PIBF1: variants seen among roughly 807,000 people sequenced by gnomAD.
The protein encoded by PIBF1 is progesterone immunomodulatory binding factor 1.
Under a neutral mutation model 112.5 loss-of-function variants are expected in PIBF1, and 90 were observed. The observed-to-expected ratio is 0.80, with a 90% confidence interval of 0.67 to 0.95. The LOEUF (loss-of-function observed/expected upper bound fraction) is 0.95, where lower values mean the gene tolerates loss of function less well. PIBF1 is among the 40% of genes least tolerant of loss of function. PIBF1 has a pLI of 0.00. For missense variants in PIBF1, 915 were observed against 852.3 expected (o/e 1.07, Z -0.92); for synonymous variants, 301 against 288.6 (o/e 1.04, Z -0.44).
At chr13:72,816,588 G>C (rs552520332) in intron 5 of PIBF1, among the ~76,000 whole-genome samples, 8 of 151,358 alleles carry the variant, frequency 5.3e-5, no homozygotes, top group Non-Finnish European at 1.2e-4. Flanking sequence ...CTGAGGTCGG[G>C]AGGTTGAGGC....
intron 5 of PIBF1, among the ~76,000 whole-genome samples, chr13:72,817,938 G>A (rs2036362397): frequency 6.6e-6 from 1 of 151,994 alleles, no homozygotes; most frequent in South Asian, 2.1e-4. Context: ...TCGTTTAAGG[G>A]GAAATTGTCC....
At chr13:73,007,344 T>G (rs1430701887) in intron 17 of PIBF1, among the ~76,000 whole-genome samples, 4 of 150,808 alleles carry the variant, frequency 2.7e-5, no homozygotes, top group African/African-American at 7.3e-5. Context: ...TCACCCAGGC[T>G]GGAGTGCAGT....
chr13:72,827,624 AAAATTTTCATGTGGTGAATGAAAACATG>A (rs1363075372), intron 7 of PIBF1, 81 bp from the exon 8 acceptor site: 7 of 656,832 alleles, frequency 1.1e-5, no homozygotes, highest in Admixed American at 1.0e-4. Context: ...TTTTAAAAGG[AAAATTTTCATGTGGTGAATGAAAACATG>A]AAGGAAAGAA....
intron 10 of PIBF1, among the ~76,000 whole-genome samples, chr13:72,890,716 G>A (rs575352845): frequency 2.0e-5 from 3 of 152,262 alleles, no homozygotes; most frequent in South Asian, 4.1e-4. Flanking sequence ...GAGAGTACGA[G>A]ATGAGAAGTC....
At chr13:72,829,206 A>C (rs943221095) in intron 8 of PIBF1, among the ~76,000 whole-genome samples, 3 of 152,130 alleles carry the variant, frequency 2.0e-5, no homozygotes, top group Non-Finnish European at 4.4e-5. Flanking sequence ...AGATTGCAAA[A>C]ATTTTCTCCT....
chr13:72,874,085 A>T (rs753433249), intron 10 of PIBF1, among the ~76,000 whole-genome samples: 1 of 152,168 alleles, frequency 6.6e-6, no homozygotes, highest in Non-Finnish European at 1.5e-5. Flanking sequence ...TAAAACACGG[A>T]TATTACCAAG....
chr13:72,910,491 G>T (rs1239719339), intron 12 of PIBF1, among the ~76,000 whole-genome samples: 1 of 152,012 alleles, frequency 6.6e-6, no homozygotes, highest in Non-Finnish European at 1.5e-5. Flanking sequence ...GAACTTCCTC[G>T]ATCTGAAAAA....
At chr13:72,898,559 A>T (rs1359125040) in intron 11 of PIBF1, among the ~76,000 whole-genome samples, 1 of 151,966 alleles carries the variant, frequency 6.6e-6, no homozygotes, top group Non-Finnish European at 1.5e-5. Context: ...AGATCAGGCC[A>T]GGCACGGTGG....
intron 10 of PIBF1, among the ~76,000 whole-genome samples, chr13:72,887,195 T>C (rs547931855): frequency 6.4e-4 from 98 of 151,992 alleles, no homozygotes; most frequent in Non-Finnish European, 1.1e-3. Flanking sequence ...TACAGATAAC[T>C]AAAAAGCAAA....
intron 1 of PIBF1, among the ~76,000 whole-genome samples, chr13:72,782,831 C>T (rs9543118): frequency 0.1 from 15,592 of 151,796 alleles, 1,088 homozygotes; most frequent in Non-Finnish European, 0.15. Context: ...TAAAATCCAA[C>T]CCTATTTTGA....
intron 9 of PIBF1, among the ~76,000 whole-genome samples, chr13:72,851,811 C>T (rs1488861652): frequency 6.6e-6 from 1 of 152,218 alleles, no homozygotes; most frequent in Non-Finnish European, 1.5e-5. Flanking sequence ...CTCTGGCAGA[C>T]CTCTGGACGA....
intron 17 of PIBF1, among the ~76,000 whole-genome samples, chr13:73,011,348 C>T (rs1304725656): frequency 1.3e-5 from 2 of 152,164 alleles, no homozygotes; most frequent in Non-Finnish European, 2.9e-5. Context: ...CCCCCACACT[C>T]TTGTGAATTT....
intron 9 of PIBF1, among the ~76,000 whole-genome samples, chr13:72,852,631 C>T (rs140424740): frequency 9.3e-4 from 142 of 152,254 alleles, no homozygotes; most frequent in Admixed American, 2.4e-3. Flanking sequence ...GACAAAGTGA[C>T]GCCCCAAGGA....
At chr13:73,004,949 C>G (rs1030068923) in intron 17 of PIBF1, among the ~76,000 whole-genome samples, 13 of 152,142 alleles carry the variant, frequency 8.5e-5, no homozygotes, top group Non-Finnish European at 1.6e-4. Flanking sequence ...CTTTGGGAGG[C>G]CAAGGTGTGG....
chr13:72,927,249 T>C (rs998913716), intron 13 of PIBF1, among the ~76,000 whole-genome samples: 1 of 152,054 alleles, frequency 6.6e-6, no homozygotes, highest in African/African-American at 2.4e-5. Context: ...CTCACGCCTG[T>C]AATCCCAGCA....
intron 14 of PIBF1, among the ~76,000 whole-genome samples, chr13:72,951,436 C>T (rs999423287): frequency 6.6e-6 from 1 of 152,104 alleles, no homozygotes; most frequent in African/African-American, 2.4e-5. Flanking sequence ...AATAAAGCAA[C>T]TTTCATTGAA....
At chr13:72,967,645 A>G (rs552781356) in intron 15 of PIBF1, among the ~76,000 whole-genome samples, 1 of 152,330 alleles carries the variant, frequency 6.6e-6, no homozygotes, top group South Asian at 2.1e-4. Flanking sequence ...ACAAAAAAGT[A>G]GTGTATCATA....
rs546897016 is a variant in PIBF1 at position 72,966,840 on chromosome 13, C to T, written c.1964+1436C>T. On this transcript the variant is annotated intron_variant, in intron 15 of 17. Transcript: ENST00000326291. ...AGGAGAATCGCTTGAACCGGGGAGACGGAGGTTGCAGTGAGCTGAGATCAT... is the reference window on the plus strand; with the variant it reads ...AGGAGAATCGCTTGAACCGGGGAGATGGAGGTTGCAGTGAGCTGAGATCAT... Among the ~76,000 whole-genome samples, 57 of 151,988 alleles carry T rather than the reference C, an allele frequency of 3.8e-4. 1 individual carries two copies. The South Asian group carries it at 0.011, about 29-fold the overall frequency.
rs117611769 is a variant in PIBF1 at position 72,923,096 on chromosome 13, T to A, written c.1730+5930T>A. On this transcript the variant is annotated intron_variant, in intron 13 of 17. Coordinates refer to ENST00000326291, the MANE Select transcript of PIBF1 (RefSeq NM_006346.4). ...ACTGAGAAAGATCAAATAACTAATA[T>A]AGCTAATAAGCATGCCTCACATATT... 2.7e-3 allele frequency among the ~76,000 whole-genome samples: 405 copies of A among 152,286 alleles called. 2 individuals are homozygous for A. The highest frequency in any genetic ancestry group is 6.8e-3 in the Middle Eastern group (2 of 294).
Sources: gnomAD v4.1 joint callset for allele counts (sites outside exome capture counted in the v4.1 genomes callset) on GRCh38, gnomAD v4.1.1 for gene constraint, MANE v1.5 for transcripts, NCBI Gene and HGNC (gene_info 2026-07-23, HGNC 2026-07-21) for gene names.